SMOC1: variants seen among roughly 807,000 people sequenced by gnomAD.
SMOC1 encodes SPARC related modular calcium binding 1, also known as SPARC-related modular calcium-binding protein 1.
Under a neutral mutation model 56.3 loss-of-function variants are expected in SMOC1, and 22 were observed. The ratio of observed to expected loss-of-function variants is 0.39; its 90% confidence interval spans 0.28 to 0.56. The LOEUF (loss-of-function observed/expected upper bound fraction) is 0.56, where lower values mean the gene tolerates loss of function less well. Ranked by LOEUF, SMOC1 falls within the 20% of genes least tolerant of loss-of-function variation. The pLI, the probability that SMOC1 is intolerant of heterozygous loss-of-function variation, is 0.61. For synonymous variants in SMOC1, 193 were observed against 215.0 expected (o/e 0.90, Z 0.89); for missense variants, 509 against 565.4 (o/e 0.90, Z 1.01).
chr14:69,941,651 CA>C (rs1277953438), intron 1 of SMOC1, among the ~76,000 whole-genome samples: 2 of 152,154 alleles, frequency 1.3e-5, no homozygotes, highest in African/African-American at 4.8e-5. Flanking sequence ...TTTAACAAAA[CA>C]AAACACCAAA....
chr14:69,934,661 T>C (rs913577874), intron 1 of SMOC1, among the ~76,000 whole-genome samples: 1 of 152,208 alleles, frequency 6.6e-6, no homozygotes, highest in Admixed American at 6.5e-5. Flanking sequence ...GGTAAGAATG[T>C]GGTGGTAGGA....
intron 1 of SMOC1, among the ~76,000 whole-genome samples, chr14:69,908,680 C>T (rs894525361): frequency 1.3e-5 from 2 of 152,110 alleles, no homozygotes; most frequent in Admixed American, 6.5e-5. Context: ...CTGTGGGTGC[C>T]GTGCTGGCCT....
intron 1 of SMOC1, chr14:69,885,927 T>C: frequency 6.3e-7 from 1 of 1,597,942 alleles, no homozygotes. Context: ...TTCAGCCGCT[T>C]ATAGAGGATG....
intron 7 of SMOC1, among the ~76,000 whole-genome samples, chr14:69,994,841 T>A (rs1336901280): frequency 6.6e-6 from 1 of 152,204 alleles, no homozygotes; most frequent in African/African-American, 2.4e-5. Context: ...TTTTGAAGGC[T>A]CTAAATAGGT....
chr14:70,010,613 T>C, intron 7 of SMOC1, 141 bp from the exon 8 acceptor site: 1 of 861,186 alleles, frequency 1.2e-6, no homozygotes. Context: ...CAGCTCTCTG[T>C]GGTAATTCAT....
At chr14:69,888,327 A>G (rs1883866165) in intron 1 of SMOC1, among the ~76,000 whole-genome samples, 1 of 152,192 alleles carries the variant, frequency 6.6e-6, no homozygotes, top group Admixed American at 6.5e-5. Context: ...CATCATTCGG[A>G]ATTCAGTTGC....
At position 69,977,905 on chromosome 14, in the gene SMOC1, C is replaced by T. The variant is rs117428651; in HGVS notation, c.479-13C>T. ...TCTGAGTGGCTATGTTTTTGTTTCC[C>T]TTCTCACCCAAGGTTCAGTCACCGA... On this transcript the variant is annotated splice_polypyrimidine_tract_variant and intron_variant, in intron 4 of 11. Coordinates refer to ENST00000361956, the MANE Select transcript of SMOC1 (RefSeq NM_001034852.3). The T allele has an allele frequency of 6.2e-7, 1 of 1,613,504 alleles. No homozygotes were observed. Among genetic ancestry groups the T allele is most frequent in the South Asian group, 1.1e-5 (1 of 91,078 alleles).
chr14:69,883,889 A>ATTTTTTTT lies in SMOC1; in HGVS notation c.99+4133_99+4140dup, dbSNP rs34300667. On this transcript the variant is annotated intron_variant, in intron 1 of 11. Transcript: ENST00000361956. Reference sequence around the variant, plus strand: ...TCCCTGATGATTAGTGATGTTGAGCATTTTTTTTTTTTTTTTTTTTTTTTT... The same window carrying ATTTTTTTT: ...TCCCTGATGATTAGTGATGTTGAGCATTTTTTTTTTTTTTTTTTTTTTTTTTTTTTTTT... 3.9e-3 allele frequency among the ~76,000 whole-genome samples: 261 copies of ATTTTTTTT among 66,644 alleles called. 73 individuals carry two copies. Among genetic ancestry groups the ATTTTTTTT allele is most frequent in the African/African-American group, 0.015 (214 of 14,328 alleles). The allele number at this position is 66,644 out of a possible 152,430, so 43.7% of individuals were successfully genotyped here.
intron 1 of SMOC1, among the ~76,000 whole-genome samples, chr14:69,919,126 A>C (rs1488885249): frequency 1.3e-5 from 2 of 152,190 alleles, no homozygotes; most frequent in Admixed American, 6.5e-5. Flanking sequence ...AGAAGAGGGT[A>C]GAGTCTTCTT....
chr14:69,883,818 A>G (rs900415562), intron 1 of SMOC1, among the ~76,000 whole-genome samples: 10 of 147,682 alleles, frequency 6.8e-5, no homozygotes, highest in Non-Finnish European at 1.5e-4. Context: ...GATAATAGCC[A>G]TTCTAACTGG....
At position 69,975,819 on chromosome 14, in the gene SMOC1, C is replaced by T. The variant is rs867920662; in HGVS notation, c.478+5C>T. On this transcript the variant is annotated splice_donor_5th_base_variant and intron_variant, in intron 4 of 11. Coordinates refer to ENST00000361956, the MANE Select transcript of SMOC1 (RefSeq NM_001034852.3). ...ATAAAACTCCTGTATGTTCAGGTAC[C>T]GTAGGGAGGGGCGGGAAGAATGAAA... The T allele has an allele frequency of 2.4e-5, 39 of 1,603,182 alleles. No homozygotes were observed. The highest frequency in any genetic ancestry group is 1.2e-4 in the South Asian group (11 of 90,786).
intron 1 of SMOC1, among the ~76,000 whole-genome samples, chr14:69,895,918 G>A (rs1321325240): frequency 6.9e-6 from 1 of 145,818 alleles, no homozygotes; most frequent in East Asian, 2.0e-4. Context: ...AGGCTAGAGT[G>A]CAGGGGTGCA....
intron 1 of SMOC1, among the ~76,000 whole-genome samples, chr14:69,897,878 T>C (rs1884139267): frequency 6.6e-6 from 1 of 152,238 alleles, no homozygotes; most frequent in African/African-American, 2.4e-5. Context: ...CTTTCTCTAA[T>C]GCTCTTTCTT....
chr14:69,920,078 G>C (rs1003784766), intron 1 of SMOC1, among the ~76,000 whole-genome samples: 3 of 152,142 alleles, frequency 2.0e-5, no homozygotes, highest in Non-Finnish European at 4.4e-5. Context: ...ATTTAGTAAA[G>C]GGATGTCTTC....
chr14:70,005,723 ACTT>A (rs1443268309), intron 7 of SMOC1, among the ~76,000 whole-genome samples: 6 of 152,092 alleles, frequency 3.9e-5, no homozygotes, highest in Non-Finnish European at 7.4e-5. Flanking sequence ...CCTGACTCTC[ACTT>A]CTTCTCTGCA....
Position 70,032,141 on chromosome 14 carries a change from A to T in SMOC1, c.*1883A>T, listed in dbSNP as rs1420159978. On this transcript the variant is annotated 3_prime_UTR_variant, in exon 12 of 12. Coordinates refer to ENST00000361956, the MANE Select transcript of SMOC1 (RefSeq NM_001034852.3). The stretch of plus-strand genomic sequence containing the variant: ...GAGAGAACTCAACGTGCCGGAGCTG[A>T]GTGGGCCTTGCACGAGACACTGGCC... 1 of 152,294 alleles carries T rather than the reference A, an allele frequency of 6.6e-6. No homozygotes were observed. Among genetic ancestry groups the T allele is most frequent in the Non-Finnish European group, 1.5e-5 (1 of 68,066 alleles). The allele number at this position is 152,294 out of a possible 1,614,324, so 9.4% of individuals were successfully genotyped here.
chr14:69,914,948 C>T (rs1342019215), intron 1 of SMOC1, among the ~76,000 whole-genome samples: 3 of 152,130 alleles, frequency 2.0e-5, no homozygotes, highest in African/African-American at 7.2e-5. Context: ...CTCGCTGCAA[C>T]CTCCGCCTCC....
At chr14:69,885,643 C>G in intron 1 of SMOC1, 1 of 1,454,152 alleles carries the variant, frequency 6.9e-7, no homozygotes, top group Non-Finnish European at 9.6e-7. Context: ...AGAAGACAAC[C>G]AGCTCGATGG....
intron 4 of SMOC1, among the ~76,000 whole-genome samples, chr14:69,976,374 A>G (rs777429029): frequency 7.2e-5 from 11 of 152,246 alleles, no homozygotes; most frequent in Non-Finnish European, 1.5e-4. Flanking sequence ...GAACCCAGAT[A>G]TCGAGGCTTC....
Sources: gnomAD v4.1 joint callset for allele counts (sites outside exome capture counted in the v4.1 genomes callset) on GRCh38, gnomAD v4.1.1 for gene constraint, MANE v1.5 for transcripts, NCBI Gene and HGNC (gene_info 2026-07-23, HGNC 2026-07-21) for gene names.